CNTNAP2: variants seen among roughly 807,000 people sequenced by gnomAD.
The protein encoded by CNTNAP2 is contactin-associated protein-like 2.
CNTNAP2 carries 98 observed loss-of-function variants against 155.2 expected under a neutral mutation model. That is an observed-to-expected ratio of 0.63 (90% confidence interval 0.54 to 0.75). The LOEUF is 0.75. CNTNAP2 is among the 30% of genes least tolerant of loss of function. CNTNAP2 has a pLI of 0.00. For synonymous variants in CNTNAP2, 651 were observed against 631.2 expected (o/e 1.03, Z -0.47); for missense variants, 1,727 against 1,688.1 (o/e 1.02, Z -0.40).
chr7:148,306,455 C>T (rs531427880), intron 21 of CNTNAP2, among the ~76,000 whole-genome samples: 2 of 152,212 alleles, frequency 1.3e-5, no homozygotes, highest in East Asian at 3.9e-4. Flanking sequence ...ATGGACTGAT[C>T]TGTTATTTTC....
At chr7:147,079,044 C>T (rs1584823485) in intron 4 of CNTNAP2, among the ~76,000 whole-genome samples, 1 of 152,130 alleles carries the variant, frequency 6.6e-6, no homozygotes, top group South Asian at 2.1e-4. Context: ...AGCCACTGGC[C>T]TGGCCGTCTT....
intron 8 of CNTNAP2, among the ~76,000 whole-genome samples, chr7:147,185,338 G>A (rs989952025): frequency 2.0e-5 from 3 of 152,070 alleles, no homozygotes; most frequent in Non-Finnish European, 4.4e-5. Context: ...AGTTGAGCTT[G>A]CACGTAATCT....
chr7:147,167,693 G>A, intron 8 of CNTNAP2: 1 of 320,462 alleles, frequency 3.1e-6, no homozygotes. Flanking sequence ...GGGGCATGTG[G>A]TTCATCTGTG....
At chr7:148,100,039 T>C (rs1462401299) in intron 15 of CNTNAP2, among the ~76,000 whole-genome samples, 1 of 151,856 alleles carries the variant, frequency 6.6e-6, no homozygotes, top group African/African-American at 2.4e-5. Flanking sequence ...GCCTGGCTAA[T>C]TTTTGTATTT....
At chr7:146,435,851 A>G (rs941086059) in intron 1 of CNTNAP2, among the ~76,000 whole-genome samples, 2 of 150,184 alleles carry the variant, frequency 1.3e-5, no homozygotes, top group Non-Finnish European at 3.0e-5. Context: ...AATGGAGTCA[A>G]TTCTCAACAG....
intron 8 of CNTNAP2, among the ~76,000 whole-genome samples, chr7:147,177,878 A>AT (rs543330666): frequency 1.3e-5 from 2 of 152,156 alleles, no homozygotes; most frequent in Non-Finnish European, 1.5e-5. Flanking sequence ...CTGAGGTGGG[A>AT]TTTTTTTGCT....
intron 13 of CNTNAP2, among the ~76,000 whole-genome samples, chr7:147,775,306 T>A (rs1797555743): frequency 2.0e-5 from 1 of 50,400 alleles, no homozygotes; most frequent in African/African-American, 1.9e-4. Context: ...TATATATATT[T>A]ATAAATATAT....
chr7:146,528,084 T>TA (rs1258075543), intron 1 of CNTNAP2, among the ~76,000 whole-genome samples: 2 of 152,216 alleles, frequency 1.3e-5, no homozygotes, highest in Admixed American at 6.6e-5. Flanking sequence ...AAGAGGGCAT[T>TA]AAAAACTCTC....
rs200488016 is a variant in CNTNAP2, at chr7:146,173,638, AT to A, written c.97+56671del. Among the ~76,000 whole-genome samples, 296 of 152,248 alleles carry A rather than the reference AT, an allele frequency of 1.9e-3. 2 individuals carry two copies. In the East Asian group the frequency reaches 0.037, roughly 19 times the overall value. ...TATTGCTTCTGTAATGTTATAACTT[AT>A]TTTTTGTAATAGTTGGTATATTTAT... On this transcript the variant is annotated intron_variant, in intron 1 of 23. Coordinates refer to ENST00000361727, the MANE Select transcript of CNTNAP2 (RefSeq NM_014141.6).
intron 15 of CNTNAP2, among the ~76,000 whole-genome samples, chr7:148,085,468 C>T (rs1803706189): frequency 6.6e-6 from 1 of 152,256 alleles, no homozygotes; most frequent in South Asian, 2.1e-4. Flanking sequence ...TATATACATA[C>T]ATATTACATA....
intron 3 of CNTNAP2, among the ~76,000 whole-genome samples, chr7:146,931,983 T>A (rs1399956990): frequency 1.3e-5 from 2 of 151,392 alleles, no homozygotes; most frequent in Admixed American, 6.6e-5. Flanking sequence ...ACCAGATGGA[T>A]TCACAGCCGA....
intron 21 of CNTNAP2, among the ~76,000 whole-genome samples, chr7:148,381,048 G>A (rs943070492): frequency 2.0e-5 from 3 of 152,270 alleles, no homozygotes; most frequent in Non-Finnish European, 4.4e-5. Flanking sequence ...CCTTGCAGGG[G>A]TAAGCACGCG....
intron 13 of CNTNAP2, among the ~76,000 whole-genome samples, chr7:147,725,682 A>G (rs1258962093): frequency 6.6e-6 from 1 of 152,076 alleles, no homozygotes; most frequent in Non-Finnish European, 1.5e-5. Flanking sequence ...CACCCCAAAC[A>G]GGGCATGTAC....
At chr7:147,696,144 T>C (rs1039353859) in intron 13 of CNTNAP2, among the ~76,000 whole-genome samples, 3 of 152,222 alleles carry the variant, frequency 2.0e-5, no homozygotes, top group Non-Finnish European at 4.4e-5. Flanking sequence ...ATCTCTGTCT[T>C]TTAATTGGGG....
intron 15 of CNTNAP2, among the ~76,000 whole-genome samples, chr7:148,041,233 C>A (rs1409451447): frequency 6.6e-6 from 1 of 152,294 alleles, no homozygotes; most frequent in South Asian, 2.1e-4. Flanking sequence ...TGAATATAGG[C>A]CTTTCATAAA....
At chr7:146,222,896 T>G (rs893149116) in intron 1 of CNTNAP2, among the ~76,000 whole-genome samples, 1 of 151,906 alleles carries the variant, frequency 6.6e-6, no homozygotes, top group African/African-American at 2.4e-5. Flanking sequence ...CCTGACCTCA[T>G]GATCCGCCCG....
intron 13 of CNTNAP2, among the ~76,000 whole-genome samples, chr7:147,654,745 G>T (rs1400512882): frequency 6.8e-6 from 1 of 147,056 alleles, no homozygotes; most frequent in South Asian, 2.2e-4. Context: ...TTTCAATGTA[G>T]TTTACTCAGA....
At chr7:148,375,421 G>A (rs1370398990) in intron 21 of CNTNAP2, among the ~76,000 whole-genome samples, 2 of 149,652 alleles carry the variant, frequency 1.3e-5, no homozygotes, top group African/African-American at 2.4e-5. Flanking sequence ...GCGCAATGCC[G>A]TGATCTCGGC....
chr7:146,839,706 T>C lies in CNTNAP2; in HGVS notation c.209-5T>C, dbSNP rs758987767. On this transcript the variant is annotated splice_region_variant and splice_polypyrimidine_tract_variant and intron_variant, in intron 2 of 23. Transcript: ENST00000361727. ...TTTTCCCATCTTACCTCTGCCCATCTTCAGGTGCTGGGGGATGGTCTCCAT... is the reference window on the plus strand; with the variant it reads ...TTTTCCCATCTTACCTCTGCCCATCCTCAGGTGCTGGGGGATGGTCTCCAT... 1.2e-6 allele frequency: 2 copies of C among 1,614,170 alleles called. No individual in the cohort carries two copies. Among genetic ancestry groups the C allele is most frequent in the Middle Eastern group, 3.3e-4 (2 of 6,062 alleles).
Sources: allele counts gnomAD v4.1 joint callset (sites outside exome capture counted in the v4.1 genomes callset), GRCh38; gene constraint gnomAD v4.1.1; transcripts MANE v1.5; gene names NCBI Gene and HGNC (gene_info 2026-07-23, HGNC 2026-07-21).